Variants in GALNT7 observed in about 807,000 individuals in gnomAD.
GALNT7 encodes the protein N-acetylgalactosaminyltransferase 7.
A neutral mutation model predicts 82.1 loss-of-function variants in GALNT7; 60 were observed. The ratio of observed to expected loss-of-function variants is 0.73; its 90% CI spans 0.59 to 0.91. The LOEUF (loss-of-function observed/expected upper bound fraction) is 0.91, where lower values mean the gene tolerates loss of function less well. Among genes scored for constraint, GALNT7 ranks in the 40% least tolerant of loss-of-function variants. The pLI is 0.00. For missense variants in GALNT7, 660 were observed against 804.2 expected (o/e 0.82, Z 2.17); for synonymous variants, 243 against 275.1 (o/e 0.88, Z 1.15).
At chr4:173,274,908 C>T (rs1240829591) in intron 2 of GALNT7, among the ~76,000 whole-genome samples, 1 of 152,200 alleles carries the variant, frequency 6.6e-6, no homozygotes, top group African/African-American at 2.4e-5. Context: ...TGTGCCTTCT[C>T]TGTGGCTCAC....
chr4:173,317,657 C>G lies in GALNT7; in HGVS notation c.1632C>G (p.Tyr544Ter). 4 of 1,611,650 alleles carry G rather than the reference C, an allele frequency of 2.5e-6. No homozygotes were observed. Among genetic ancestry groups the G allele is most frequent in the Non-Finnish European group, 3.4e-6 (4 of 1,177,918 alleles). Reference sequence around the variant, plus strand: ...AGATCAGAGGCTTCGAAACTGCTTACTGCATTGATAGCATGGGAAAAACAA... The same window carrying G: ...AGATCAGAGGCTTCGAAACTGCTTAGTGCATTGATAGCATGGGAAAAACAA... ...WGEIRGFETA[Y>*]CIDSMGKTNG... Residue 544 changes from tyrosine (Y) to a stop codon, truncating the protein, a stop_gained, in exon 10 of 12, where the codon TAC becomes TAG. Coordinates refer to ENST00000265000, the MANE Select transcript of GALNT7 (RefSeq NM_017423.3). LOFTEE classifies it high-confidence loss of function.
intron 2 of GALNT7, among the ~76,000 whole-genome samples, chr4:173,271,431 T>A (rs1413286381): frequency 6.6e-6 from 1 of 151,696 alleles, no homozygotes; most frequent in East Asian, 1.9e-4. Context: ...ATATTTATGT[T>A]AAACTGTTTG....
chr4:173,257,342 A>C (rs998600176), intron 2 of GALNT7, among the ~76,000 whole-genome samples: 1 of 152,228 alleles, frequency 6.6e-6, no homozygotes, highest in Non-Finnish European at 1.5e-5. Context: ...ATAATGGTTG[A>C]ATAATTGTTA....
At chr4:173,178,052 T>TGTGTGTGC (rs563102408) in intron 1 of GALNT7, among the ~76,000 whole-genome samples, 195 of 129,492 alleles carry the variant, frequency 1.5e-3, no homozygotes, top group African/African-American at 5.3e-3. Flanking sequence ...TGTGTGTGTG[T>TGTGTGTGC]GCGCGCACGC....
At chr4:173,266,278 G>C (rs908488657) in intron 2 of GALNT7, among the ~76,000 whole-genome samples, 1 of 152,112 alleles carries the variant, frequency 6.6e-6, no homozygotes, top group Admixed American at 6.5e-5. Flanking sequence ...AAAAGAAAAA[G>C]AAAAGAAAAG....
At chr4:173,218,596 T>C (rs1263374827) in intron 1 of GALNT7, among the ~76,000 whole-genome samples, 4 of 152,150 alleles carry the variant, frequency 2.6e-5, no homozygotes, top group Non-Finnish European at 5.9e-5. Context: ...CTCAGGCAAG[T>C]TTCCCAGCCA....
At chr4:173,242,861 T>C (rs144007649) in intron 1 of GALNT7, among the ~76,000 whole-genome samples, 105 of 152,354 alleles carry the variant, frequency 6.9e-4, no homozygotes, top group African/African-American at 2.3e-3. Context: ...CTTCTGCTCC[T>C]TTTAGGTAAC....
intron 1 of GALNT7, among the ~76,000 whole-genome samples, chr4:173,243,070 T>C (rs1049186092): frequency 4.6e-5 from 7 of 152,192 alleles, no homozygotes; most frequent in African/African-American, 1.7e-4. Flanking sequence ...CAAGAGATCA[T>C]GTGACTGCAT....
intron 2 of GALNT7, among the ~76,000 whole-genome samples, chr4:173,269,275 T>TA (rs1735629548): frequency 6.6e-6 from 1 of 152,188 alleles, no homozygotes; most frequent in Non-Finnish European, 1.5e-5. Context: ...ATTTAAGGAA[T>TA]AGAAATAAAG....
At position 173,298,317 on chromosome 4, in the gene GALNT7, C is replaced by T; in HGVS notation, c.1148+20C>T. The T allele has an allele frequency of 1.3e-6, 2 of 1,510,564 alleles. No individual in the cohort carries two copies. Among genetic ancestry groups the T allele is most frequent in the Non-Finnish European group, 1.8e-6 (2 of 1,128,372 alleles). The allele number at this position is 1,510,564 out of a possible 1,614,324, so 93.6% of individuals were successfully genotyped here. ...GTATCGGTAATCACTAAATCACTTACATATTTTTCTTTTCTCCAGTTGCTG... is the reference window on the plus strand; with the variant it reads ...GTATCGGTAATCACTAAATCACTTATATATTTTTCTTTTCTCCAGTTGCTG... On this transcript the variant is annotated intron_variant, in intron 6 of 11. Coordinates refer to ENST00000265000, the MANE Select transcript of GALNT7 (RefSeq NM_017423.3).
intron 1 of GALNT7, among the ~76,000 whole-genome samples, chr4:173,221,008 T>C (rs900122784): frequency 6.6e-6 from 1 of 151,466 alleles, no homozygotes; most frequent in Non-Finnish European, 1.5e-5. Flanking sequence ...GTCCTTTGGG[T>C]ATATACCCAG....
In GALNT7 at chr4:173,295,752, C is replaced by CT. The variant is rs201396358; in HGVS notation, c.886-4dup. 1,622 of 1,564,448 alleles carry CT rather than the reference C, an allele frequency of 1.0e-3. 5 individuals carry two copies. In the African/African-American group the frequency reaches 0.011, roughly 11 times the overall value. On this transcript the variant is annotated splice_polypyrimidine_tract_variant and intron_variant, in intron 4 of 11. Transcript: ENST00000265000. The stretch of plus-strand genomic sequence containing the variant: ...ATGAGGAGTATTCTTTCACCTGCCT[C>CT]TTTTTTTTAAGGTTTTGATATACCT...
intron 6 of GALNT7, 59 bp downstream of exon 6, chr4:173,298,356 C>A: frequency 8.8e-7 from 1 of 1,130,046 alleles, no homozygotes; most frequent in South Asian, 1.6e-5. Context: ...ACCTATTAAC[C>A]TCTTGCCAAG....
At chr4:173,259,915 G>A (rs1038311097) in intron 2 of GALNT7, among the ~76,000 whole-genome samples, 5 of 152,186 alleles carry the variant, frequency 3.3e-5, no homozygotes, top group Non-Finnish European at 5.9e-5. Flanking sequence ...TGGGATTACA[G>A]GCGTGAGCCA....
intron 1 of GALNT7, among the ~76,000 whole-genome samples, chr4:173,222,264 A>C (rs547967021): frequency 6.6e-6 from 1 of 152,198 alleles, no homozygotes; most frequent in South Asian, 2.1e-4. Flanking sequence ...TGCAATTTTT[A>C]ATTTAATTTT....
chr4:173,183,800 C>T lies in GALNT7; in HGVS notation c.126+14839C>T, dbSNP rs139904459. The stretch of plus-strand genomic sequence containing the variant: ...CAGGGACTGCCCCCCACCTCCCTGA[C>T]GGCGCGGCTGGCCGGGCGGGGACTG... On this transcript the variant is annotated intron_variant, in intron 1 of 11. Coordinates refer to ENST00000265000, the MANE Select transcript of GALNT7 (RefSeq NM_017423.3). 9.1e-3 allele frequency among the ~76,000 whole-genome samples: 1,369 copies of T among 150,818 alleles called. 17 individuals are homozygous for T. Among genetic ancestry groups the T allele is most frequent in the African/African-American group, 0.032 (1,312 of 41,018 alleles).
chr4:173,284,019 A>G lies in GALNT7; in HGVS notation c.588-8089A>G, dbSNP rs536315274. 3.9e-5 allele frequency among the ~76,000 whole-genome samples: 6 copies of G among 152,388 alleles called. 1 individual carries two copies. In the South Asian group the frequency reaches 1.2e-3, roughly 32 times the overall value. On this transcript the variant is annotated intron_variant, in intron 2 of 11. Coordinates refer to ENST00000265000, the MANE Select transcript of GALNT7 (RefSeq NM_017423.3). ...TGTTAAAAGCTCTAGCTAATTTGAA[A>G]GAAAGTTTCCTTGACTCTGAAAAAC...
At chr4:173,307,209 A>T (rs1420669053) in intron 8 of GALNT7, among the ~76,000 whole-genome samples, 1 of 152,246 alleles carries the variant, frequency 6.6e-6, no homozygotes, top group Admixed American at 6.5e-5. Flanking sequence ...GTTCTGACTC[A>T]TAGGCTCACT....
At chr4:173,197,894 A>G (rs544932002) in intron 1 of GALNT7, among the ~76,000 whole-genome samples, 29 of 152,320 alleles carry the variant, frequency 1.9e-4, no homozygotes, top group African/African-American at 6.3e-4. Flanking sequence ...TACTTCACAC[A>G]TCAGAGCCTC....
Sources: gnomAD v4.1 joint callset for allele counts (sites outside exome capture counted in the v4.1 genomes callset) on GRCh38, gnomAD v4.1.1 for gene constraint, MANE v1.5 for transcripts, NCBI Gene and HGNC (gene_info 2026-07-23, HGNC 2026-07-21) for gene names.